PPM1L: variants seen among roughly 807,000 people sequenced by gnomAD.
The protein encoded by PPM1L is protein phosphatase 1L.
PPM1L carries 13 observed loss-of-function variants against 31.4 expected under a neutral mutation model. The ratio of observed to expected loss-of-function variants is 0.41; its 90% CI spans 0.27 to 0.66. The LOEUF (loss-of-function observed/expected upper bound fraction) is 0.66, where lower values mean the gene tolerates loss of function less well. Among genes scored for constraint, PPM1L ranks in the 30% least tolerant of loss-of-function variants. The pLI, the probability that PPM1L is intolerant of heterozygous loss-of-function variation, is 0.29. For synonymous variants in PPM1L, 184 were observed against 175.4 expected (o/e 1.05, Z -0.39); for missense variants, 326 against 453.7 (o/e 0.72, Z 2.56).
chr3:160,756,708 G>T lies in PPM1L; in HGVS notation c.399+1G>T. ...GATCTTCGACGGGCACGGGGGAGAG[G>T]TAGGAGCTACCCCGGGGCTTTGTAT... On this transcript the variant is annotated splice_donor_variant, in intron 1 of 3. Transcript: ENST00000498165. LOFTEE classifies it high-confidence loss of function. The surrounding 1 kb of genome is among the most constrained non-coding windows in gnomAD (Gnocchi z 6.2). 1 of 1,612,892 alleles carries T rather than the reference G, an allele frequency of 6.2e-7. No homozygotes were observed. Among genetic ancestry groups the T allele is most frequent in the Non-Finnish European group, 8.5e-7 (1 of 1,179,592 alleles).
chr3:160,805,681 C>T (rs539527168), intron 1 of PPM1L, among the ~76,000 whole-genome samples: 3 of 152,228 alleles, frequency 2.0e-5, no homozygotes, highest in African/African-American at 2.4e-5. Context: ...GAGATCATGC[C>T]GTTGCACTCC....
intron 2 of PPM1L, among the ~76,000 whole-genome samples, chr3:160,996,738 A>C (rs928479031): frequency 1.3e-5 from 2 of 152,202 alleles, no homozygotes; most frequent in African/African-American, 4.8e-5. Flanking sequence ...TCACCACTAA[A>C]GAACTTAACA....
chr3:160,984,964 A>G (rs1319789425), intron 2 of PPM1L, among the ~76,000 whole-genome samples: 1 of 152,142 alleles, frequency 6.6e-6, no homozygotes, highest in Non-Finnish European at 1.5e-5. Context: ...CTGCTAAGTA[A>G]GCATTCTATA....
At chr3:160,987,348 C>T (rs191502908) in intron 2 of PPM1L, among the ~76,000 whole-genome samples, 66 of 152,284 alleles carry the variant, frequency 4.3e-4, no homozygotes, top group African/African-American at 1.5e-3. Flanking sequence ...TTAGAGGCAG[C>T]CAGATTCTAG....
intron 1 of PPM1L, among the ~76,000 whole-genome samples, chr3:160,946,970 A>G (rs962395543): frequency 3.3e-5 from 5 of 152,194 alleles, no homozygotes; most frequent in African/African-American, 1.2e-4. Flanking sequence ...ACAATTCTAC[A>G]TGCTATAGCA....
At chr3:160,894,174 T>C (rs1713255651) in intron 1 of PPM1L, among the ~76,000 whole-genome samples, 1 of 152,184 alleles carries the variant, frequency 6.6e-6, no homozygotes, top group South Asian at 2.1e-4. Context: ...ACAAAAAACA[T>C]TGACAGCCTA....
At chr3:160,769,760 C>A (rs779472856) in intron 1 of PPM1L, among the ~76,000 whole-genome samples, 2 of 151,900 alleles carry the variant, frequency 1.3e-5, no homozygotes, top group Non-Finnish European at 2.9e-5. Flanking sequence ...TGGTCAAATT[C>A]AGTAGGATTT....
At chr3:161,026,129 A>G (rs539258626) in intron 2 of PPM1L, among the ~76,000 whole-genome samples, 53 of 152,318 alleles carry the variant, frequency 3.5e-4, no homozygotes, top group Non-Finnish European at 6.3e-4. Context: ...TAAAAGTGCC[A>G]TTGGCTGTAG....
Position 161,078,490 on chromosome 3 carries a change from G to A in PPM1L, c.*9333G>A, listed in dbSNP as rs1252399157. ...ATTGTACTTAATAAATAAATCACAG[G>A]TCAAAATGACTGTAAAATCAATCAG... On this transcript the variant is annotated 3_prime_UTR_variant, in exon 4 of 4. Transcript: ENST00000498165. 6.6e-6 allele frequency: 1 copy of A among 152,110 alleles called. No individual in the cohort carries two copies. The highest frequency in any genetic ancestry group is 2.4e-5 in the African/African-American group (1 of 41,418). 9.4% of individuals were successfully genotyped at this position (152,110 alleles called of 1,614,324 possible).
At position 160,890,745 on chromosome 3, in the gene PPM1L, A is replaced by T. The variant is rs190319276; in HGVS notation, c.400-70991A>T. Among the ~76,000 whole-genome samples the T allele has an allele frequency of 2.3e-3, 343 of 152,330 alleles. 2 individuals carry two copies. The highest frequency in any genetic ancestry group is 2.7e-3 in the East Asian group (14 of 5,176). ...CAAATTATACTACAAGACTACAGTA[A>T]CAAAAACAGCATGGTACTGTTACCA... On this transcript the variant is annotated intron_variant, in intron 1 of 3. Coordinates refer to ENST00000498165, the MANE Select transcript of PPM1L (RefSeq NM_139245.4).
intron 1 of PPM1L, among the ~76,000 whole-genome samples, chr3:160,834,019 AT>A (rs78707253): frequency 0.018 from 2,357 of 128,740 alleles, 13 homozygotes; most frequent in African/African-American, 0.041. Context: ...TCTCCCAGGA[AT>A]TTTTTTTTTT....
At chr3:160,992,809 A>G (rs1426665829) in intron 2 of PPM1L, among the ~76,000 whole-genome samples, 1 of 152,214 alleles carries the variant, frequency 6.6e-6, no homozygotes, top group Non-Finnish European at 1.5e-5. Context: ...GCCAAGGAGA[A>G]AGAACTCTGA....
intron 2 of PPM1L, among the ~76,000 whole-genome samples, chr3:161,058,831 G>A (rs1223881775): frequency 6.6e-6 from 1 of 152,024 alleles, no homozygotes; most frequent in Non-Finnish European, 1.5e-5. Flanking sequence ...TTTATAACTA[G>A]GAATCTAAAA....
chr3:161,004,634 G>T (rs1275487847), intron 2 of PPM1L, among the ~76,000 whole-genome samples: 4 of 149,880 alleles, frequency 2.7e-5, no homozygotes, highest in African/African-American at 9.8e-5. Flanking sequence ...GCATAGAGGT[G>T]TTTGTAGTAT....
intron 2 of PPM1L, among the ~76,000 whole-genome samples, chr3:160,977,491 A>G (rs1221278213): frequency 6.6e-6 from 1 of 152,108 alleles, no homozygotes; most frequent in Non-Finnish European, 1.5e-5. Flanking sequence ...CTATGAATCT[A>G]TTTTCTAGAA....
intron 1 of PPM1L, among the ~76,000 whole-genome samples, chr3:160,877,077 A>G (rs1343755888): frequency 6.6e-6 from 1 of 152,186 alleles, no homozygotes; most frequent in African/African-American, 2.4e-5. Context: ...CATTTTTTAA[A>G]AAGTCTAATA....
intron 1 of PPM1L, among the ~76,000 whole-genome samples, chr3:160,801,907 TG>T (rs1318506730): frequency 6.6e-6 from 1 of 152,170 alleles, no homozygotes; most frequent in East Asian, 1.9e-4. Context: ...CATTCCTTCC[TG>T]TTTCTTCTTA....
At chr3:160,820,064 C>G (rs537808142) in intron 1 of PPM1L, among the ~76,000 whole-genome samples, 1 of 151,802 alleles carries the variant, frequency 6.6e-6, no homozygotes, top group Non-Finnish European at 1.5e-5. Context: ...GAGTCCAGAT[C>G]GGAGGTGGGA....
intron 1 of PPM1L, among the ~76,000 whole-genome samples, chr3:160,865,651 T>C (rs1055176356): frequency 2.6e-5 from 4 of 152,180 alleles, no homozygotes; most frequent in Admixed American, 1.3e-4. Flanking sequence ...GGCGTGCGCC[T>C]GTAGTCCCAG....
Sources: allele counts gnomAD v4.1 joint callset (sites outside exome capture counted in the v4.1 genomes callset), GRCh38; gene constraint gnomAD v4.1.1; non-coding constraint Gnocchi (gnomAD v3.1); transcripts MANE v1.5; gene names NCBI Gene and HGNC (gene_info 2026-07-23, HGNC 2026-07-21).